TSPAN5: variants seen among roughly 807,000 people sequenced by gnomAD.
TSPAN5 encodes the protein tetraspanin 5, also known as tetraspanin-5.
In TSPAN5, 10 loss-of-function variants were observed where a neutral mutation model predicts 37.1. The ratio of observed to expected loss-of-function variants is 0.27; its 90% CI spans 0.17 to 0.46. The LOEUF is 0.46. TSPAN5 is among the 20% of genes least tolerant of loss of function. The probability of loss-of-function intolerance (pLI) is 1.00; values close to 1 mark genes in which losing one functional copy is unlikely to be tolerated. For synonymous variants in TSPAN5, 110 were observed against 118.9 expected, an observed-to-expected ratio of 0.93 and a Z score of 0.48; for missense variants, 195 against 326.6, an observed-to-expected ratio of 0.60 and a Z score of 3.11.
intron 1 of TSPAN5, among the ~76,000 whole-genome samples, chr4:98,647,942 T>C (rs1485439103): frequency 6.6e-6 from 1 of 152,078 alleles, no homozygotes; most frequent in Non-Finnish European, 1.5e-5. Context: ...TTCAAAATGT[T>C]ATTTTTCAAG....
At chr4:98,475,275 A>G (rs1752667529) in intron 7 of TSPAN5, among the ~76,000 whole-genome samples, 1 of 152,230 alleles carries the variant, frequency 6.6e-6, no homozygotes, top group Non-Finnish European at 1.5e-5. Flanking sequence ...CCTTAATAAT[A>G]TGAAGTTTTG....
At chr4:98,560,157 GA>G (rs1206493133) in intron 1 of TSPAN5, 1 of 152,188 alleles carries the variant, frequency 6.6e-6, no homozygotes, top group African/African-American at 2.4e-5. Context: ...CAGATAACAA[GA>G]CAAGCTGCTA....
intron 1 of TSPAN5, among the ~76,000 whole-genome samples, chr4:98,527,403 G>A (rs942856963): frequency 1.3e-5 from 2 of 152,058 alleles, no homozygotes; most frequent in Admixed American, 6.5e-5. Context: ...CCAAATTCTA[G>A]GCAAAAATCA....
chr4:98,603,584 A>T (rs1755935104), intron 1 of TSPAN5, among the ~76,000 whole-genome samples: 1 of 152,206 alleles, frequency 6.6e-6, no homozygotes, highest in African/African-American at 2.4e-5. Flanking sequence ...ATTCATGGGA[A>T]TAAAGTTACC....
chr4:98,478,824 G>A lies in TSPAN5; in HGVS notation c.451-14C>T, dbSNP rs1375424313. The stretch of plus-strand genomic sequence containing the variant: ...ACAGCACTGCCACTAGAGCAAACAG[G>A]AAAGAATTAGAACATCCCAACTTGG... On this transcript the variant is annotated splice_polypyrimidine_tract_variant and intron_variant, in intron 4 of 7. Transcript: ENST00000305798. 1 of 1,612,120 alleles carries A rather than the reference G, an allele frequency of 6.2e-7. No homozygotes were observed. Among genetic ancestry groups the A allele is most frequent in the Non-Finnish European group, 8.5e-7 (1 of 1,179,770 alleles).
chr4:98,476,047 A>C (rs1218979091), intron 7 of TSPAN5, 142 bp downstream of exon 7: 1 of 474,122 alleles, frequency 2.1e-6, no homozygotes, highest in Non-Finnish European at 3.8e-6. Flanking sequence ...ACACAAACCA[A>C]ATCGTTTAGG....
At position 98,658,180 on chromosome 4, in the gene TSPAN5, T is replaced by C. The variant is rs761151311; in HGVS notation, c.47A>G (p.Lys16Arg). 4.3e-6 allele frequency: 7 copies of C among 1,614,052 alleles called. No homozygotes were observed. The highest frequency in any genetic ancestry group is 5.9e-6 in the Non-Finnish European group (7 of 1,180,008). Residue 16 changes from lysine to arginine, a missense_variant, in exon 1 of 8, where the codon AAA becomes AGA. By Grantham distance (26) the Lys-to-Arg change is conservative (BLOSUM62 2). Transcript: ENST00000305798. ...GACATTGAAGCCAAATATGAAGTAT[T>C]TGATGCAACAACTGACTTCAGGACC... ...YKGPEVSCCI[K>R]YFIFGFNVIF...
intron 1 of TSPAN5, among the ~76,000 whole-genome samples, chr4:98,516,776 G>A (rs1753740301): frequency 6.6e-6 from 1 of 152,186 alleles, no homozygotes; most frequent in African/African-American, 2.4e-5. Flanking sequence ...GCTCTCCTGA[G>A]ACTGGATTAG....
chr4:98,503,990 T>A (rs912181056), intron 2 of TSPAN5, among the ~76,000 whole-genome samples: 1 of 152,212 alleles, frequency 6.6e-6, no homozygotes, highest in African/African-American at 2.4e-5. Context: ...TACAGTTGAT[T>A]TAAAACTCAG....
At chr4:98,598,427 G>C (rs1356118779) in intron 1 of TSPAN5, among the ~76,000 whole-genome samples, 1 of 151,278 alleles carries the variant, frequency 6.6e-6, no homozygotes, top group South Asian at 2.1e-4. Context: ...GCTGTAGACC[G>C]GAGCTGTTCC....
chr4:98,555,186 A>C (rs1754713668), intron 1 of TSPAN5, among the ~76,000 whole-genome samples: 1 of 152,186 alleles, frequency 6.6e-6, no homozygotes, highest in South Asian at 2.1e-4. Flanking sequence ...AAAATCCATC[A>C]GTATGTGCAC....
intron 2 of TSPAN5, among the ~76,000 whole-genome samples, chr4:98,502,693 A>G (rs1207939495): frequency 6.6e-6 from 1 of 152,144 alleles, no homozygotes; most frequent in South Asian, 2.1e-4. Flanking sequence ...ATGCAGAAAT[A>G]TAGTCTGATG....
chr4:98,484,709 C>A (rs1281050143), intron 3 of TSPAN5: 34 of 395,322 alleles, frequency 8.6e-5, no homozygotes, highest in South Asian at 6.4e-4. Context: ...TGCCTGTAAT[C>A]CCAGCATTCT....
chr4:98,489,408 G>T (rs777552167), intron 2 of TSPAN5, among the ~76,000 whole-genome samples: 1 of 152,180 alleles, frequency 6.6e-6, no homozygotes, highest in Non-Finnish European at 1.5e-5. Context: ...GAGAGCACAG[G>T]GGGAGGGACA....
chr4:98,574,412 G>A (rs2110186582), intron 1 of TSPAN5: 1 of 152,294 alleles, frequency 6.6e-6, no homozygotes, highest in East Asian at 1.9e-4. Context: ...ATATTTAACA[G>A]TTATCCCTCA....
intron 4 of TSPAN5, among the ~76,000 whole-genome samples, chr4:98,480,874 G>C (rs1752823515): frequency 6.6e-6 from 1 of 152,172 alleles, no homozygotes; most frequent in Non-Finnish European, 1.5e-5. Flanking sequence ...AGGACGAAAT[G>C]TTGCTGCCAC....
chr4:98,647,911 G>C (rs1022705867), intron 1 of TSPAN5, among the ~76,000 whole-genome samples: 1 of 150,664 alleles, frequency 6.6e-6, no homozygotes, highest in African/African-American at 2.4e-5. Context: ...AAACAGCTCA[G>C]AGAAATAATA....
In TSPAN5 at chr4:98,559,246, C is replaced by A. The variant is rs376893607; in HGVS notation, c.82-51518G>T. 1.2e-3 allele frequency among the ~76,000 whole-genome samples: 185 copies of A among 152,298 alleles called. 3 individuals carry two copies. The highest frequency in any genetic ancestry group is 4.2e-3 in the African/African-American group (176 of 41,570). ...TTCCATCAGGCTGGGATCTTCCTTT[C>A]CAGTATTTCAAATTTGGAAATCATA... On this transcript the variant is annotated intron_variant, in intron 1 of 7. Coordinates refer to ENST00000305798, the MANE Select transcript of TSPAN5 (RefSeq NM_005723.4).
At chr4:98,592,543 G>C (rs1192539861) in intron 1 of TSPAN5, among the ~76,000 whole-genome samples, 1 of 144,792 alleles carries the variant, frequency 6.9e-6, no homozygotes, top group South Asian at 2.3e-4. Flanking sequence ...CCACTAATGT[G>C]TCGTCTAGCA....
Sources: gnomAD v4.1 joint callset for allele counts (sites outside exome capture counted in the v4.1 genomes callset) on GRCh38, gnomAD v4.1.1 for gene constraint, MANE v1.5 for transcripts, NCBI Gene and HGNC (gene_info 2026-07-23, HGNC 2026-07-21) for gene names.